The following TEX14 variants were observed in gnomAD, a reference collection of about 807,000 sequenced individuals.
TEX14 encodes the protein testis expressed 14, intercellular bridge forming factor, also known as inactive serine/threonine-protein kinase TEX14.
TEX14 carries 168 observed loss-of-function variants against 178.6 expected under a neutral mutation model. That is an observed-to-expected ratio of 0.94 (90% confidence interval 0.83 to 1.07). The LOEUF (loss-of-function observed/expected upper bound fraction) is 1.07. Ranked by LOEUF, TEX14 falls within the 50% of genes least tolerant of loss-of-function variation. TEX14 has a pLI of 0.00. For synonymous variants in TEX14, 626 were observed against 634.1 expected (o/e 0.99, Z 0.19); for missense variants, 1,730 against 1,753.6 (o/e 0.99, Z 0.24).
At chr17:58,631,061 G>T in intron 2 of TEX14, 1 of 548,142 alleles carries the variant, frequency 1.8e-6, no homozygotes, top group Non-Finnish European at 2.3e-6. Flanking sequence ...GGCCAAAGTA[G>T]TAACATGACC....
At chr17:58,563,624 TATATATATA>T (rs1567988614) in intron 28 of TEX14, among the ~76,000 whole-genome samples, 18 of 3,198 alleles carry the variant, frequency 5.6e-3, no homozygotes, top group African/African-American at 0.024. Context: ...CTCTAATTTA[TATATATATA>T]TATATATATA....
chr17:58,632,188 G>A (rs2046337582), intron 2 of TEX14, among the ~76,000 whole-genome samples: 1 of 152,220 alleles, frequency 6.6e-6, no homozygotes, highest in African/African-American at 2.4e-5. Flanking sequence ...TCGGAAGCAA[G>A]AAGGCCCTTC....
chr17:58,653,705 T>C (rs181457093), intron 1 of TEX14, among the ~76,000 whole-genome samples: 67 of 152,314 alleles, frequency 4.4e-4, no homozygotes, highest in African/African-American at 1.5e-3. Context: ...CTCACTATAC[T>C]GACTTGCCAC....
Position 58,651,882 on chromosome 17 carries a change from C to A in TEX14, c.120G>T (p.Lys40Asn). The change falls in exon 2 of 32, where the codon AAG becomes AAT. Residue 40 changes from lysine to asparagine, a missense_variant. Transcript: ENST00000349033. ...YVKQGNYVKV[K>N]KILKKGIYVD... is the part of the protein sequence containing the mutation. ...GGTGCTTACCTTTCTTAAGAATTTTCTTCACTTTCACATAGTTCCCTTGTT... is the reference window on the plus strand; with the variant it reads ...GGTGCTTACCTTTCTTAAGAATTTTATTCACTTTCACATAGTTCCCTTGTT... The A allele has an allele frequency of 6.2e-7, 1 of 1,605,572 alleles. No homozygotes were observed. The highest frequency in any genetic ancestry group is 8.5e-7 in the Non-Finnish European group (1 of 1,177,916).
intron 1 of TEX14, among the ~76,000 whole-genome samples, chr17:58,683,101 G>A (rs889155779): frequency 2.0e-5 from 3 of 150,998 alleles, no homozygotes; most frequent in Admixed American, 1.3e-4. Flanking sequence ...GGCTGAGCAC[G>A]GTGGCTCACG....
rs2047049969 is a variant in TEX14, at chr17:58,659,236, A to AAACACAAG, written c.-1-7235_-1-7234insCTTGTGTT. ...GGGGAAATCGCGGGAGCAAACACAT[A>AAACACAAG]GTAAAAACCCTCCCCCAAGAAAAAC... On this transcript the variant is annotated intron_variant, in intron 1 of 31. Transcript: ENST00000349033. 4 of 456,052 alleles carry AAACACAAG rather than the reference A, an allele frequency of 8.8e-6. No individual in the cohort carries two copies. The African/African-American group carries it at 3.5e-4, about 40-fold the overall frequency. 28.3% of individuals were successfully genotyped at this position (456,052 alleles called of 1,614,324 possible).
At chr17:58,634,058 G>A (rs1304955442) in intron 2 of TEX14, among the ~76,000 whole-genome samples, 1 of 152,042 alleles carries the variant, frequency 6.6e-6, no homozygotes, top group Non-Finnish European at 1.5e-5. Context: ...CAGTGACAAG[G>A]AAGGTTAAAA....
chr17:58,648,230 T>G (rs1422315993), intron 2 of TEX14: 1 of 152,288 alleles, frequency 6.6e-6, no homozygotes, highest in Non-Finnish European at 1.5e-5. Flanking sequence ...AAGGTGCTAG[T>G]GGGTCCTTCA....
chr17:58,570,605 T>C (rs2044499508), intron 24 of TEX14, 121 bp from the exon 25 acceptor site: 1 of 392,446 alleles, frequency 2.5e-6, no homozygotes, highest in Admixed American at 4.9e-5. Context: ...TCACCTCCTC[T>C]GGGAAGCCTC....
At chr17:58,621,521 C>T (rs1438459996) in intron 5 of TEX14, 129 bp downstream of exon 5, 4 of 915,760 alleles carry the variant, frequency 4.4e-6, no homozygotes, top group Non-Finnish European at 6.4e-6. Context: ...TTTCCAAGCA[C>T]ACCCCTTTGG....
rs762658811 is a variant in TEX14, at chr17:58,593,648, C to A, written c.2483G>T (p.Cys828Phe). 6.2e-7 allele frequency: 1 copy of A among 1,614,084 alleles called. No homozygotes were observed. The highest frequency in any genetic ancestry group is 2.2e-5 in the East Asian group (1 of 44,876). The change falls in exon 15 of 32, where the codon TGT becomes TTT. Residue 828 changes from cysteine (C) to phenylalanine (F), a missense_variant. Cys to Phe is a radical substitution (Grantham distance 205). Around this residue, in one of 2 missense-constraint regions of TEX14, gnomAD observed 941 missense variants for 1,072.4 expected, o/e 0.88. Coordinates refer to ENST00000349033, the MANE Select transcript of TEX14 (RefSeq NM_031272.5). ...ATCTGTGTTCTGTTTTCCAGGGTCA[C>A]AAAGAGTCGGCAGCTTAAAAAGCAA... ...PRFPRMLPTLCDPGKQNTDEQ... is the reference protein window; with the variant it reads ...PRFPRMLPTLFDPGKQNTDEQ...
intron 1 of TEX14, among the ~76,000 whole-genome samples, chr17:58,673,120 T>C (rs1395913874): frequency 6.6e-6 from 1 of 152,068 alleles, no homozygotes; most frequent in East Asian, 1.9e-4. Context: ...CAAAGGGAAA[T>C]TTTGAAACTC....
intron 12 of TEX14, 130 bp downstream of exon 12, chr17:58,602,270 G>C: frequency 1.1e-6 from 1 of 870,682 alleles, no homozygotes; most frequent in Non-Finnish European, 1.8e-6. Context: ...CAAGAACACA[G>C]AAATGGTGTA....
At chr17:58,675,934 T>C (rs1433999320) in intron 1 of TEX14, among the ~76,000 whole-genome samples, 1 of 152,130 alleles carries the variant, frequency 6.6e-6, no homozygotes, top group East Asian at 1.9e-4. Flanking sequence ...TATGTAAGCT[T>C]TTCCCTTTTT....
intron 15 of TEX14, among the ~76,000 whole-genome samples, chr17:58,592,556 G>A (rs542098292): frequency 2.2e-4 from 33 of 151,640 alleles, no homozygotes; most frequent in South Asian, 8.3e-4. Context: ...GGATGGTCTC[G>A]ATCTCCTGAC....
chr17:58,645,523 T>A (rs1054859063), intron 2 of TEX14, among the ~76,000 whole-genome samples: 7 of 152,108 alleles, frequency 4.6e-5, no homozygotes, highest in Admixed American at 4.6e-4. Flanking sequence ...CGCGCCCGAC[T>A]AATTTTTTGT....
chr17:58,653,606 G>C (rs2046884845), intron 1 of TEX14, among the ~76,000 whole-genome samples: 1 of 152,148 alleles, frequency 6.6e-6, no homozygotes. Context: ...CTTATAAAAG[G>C]ATGTGTTTGG....
intron 10 of TEX14, among the ~76,000 whole-genome samples, chr17:58,609,242 C>T (rs967843073): frequency 6.6e-5 from 10 of 152,078 alleles, no homozygotes; most frequent in African/African-American, 1.7e-4. Flanking sequence ...CCCGAGTAGC[C>T]GGGACTACAG....
chr17:58,571,030 A>C (rs1287483157), intron 24 of TEX14, among the ~76,000 whole-genome samples: 4 of 152,108 alleles, frequency 2.6e-5, no homozygotes, highest in Non-Finnish European at 5.9e-5. Context: ...CCTTTGAGGC[A>C]GGGATCATGT....
Sources: allele counts gnomAD v4.1 joint callset (sites outside exome capture counted in the v4.1 genomes callset), GRCh38; gene constraint gnomAD v4.1.1; regional missense constraint gnomAD v4.1.1; transcripts MANE v1.5; gene names NCBI Gene and HGNC (gene_info 2026-07-23, HGNC 2026-07-21).